Variants in SCFD2 observed in about 807,000 individuals in gnomAD.
The protein encoded by SCFD2 is sec1 family domain-containing protein 2.
In SCFD2, 54 loss-of-function variants were observed where a neutral mutation model predicts 58.9. That is an observed-to-expected ratio of 0.92 (90% confidence interval 0.74 to 1.15). The LOEUF is 1.15. Among genes scored for constraint, SCFD2 ranks in the 50% most tolerant of loss-of-function variants. SCFD2 has a pLI of 0.00. For synonymous variants in SCFD2, 321 were observed against 335.9 expected (o/e 0.96, Z 0.49); for missense variants, 805 against 836.6 (o/e 0.96, Z 0.47).
intron 5 of SCFD2, among the ~76,000 whole-genome samples, chr4:53,129,940 A>G (rs1305575213): frequency 2.0e-5 from 3 of 152,150 alleles, no homozygotes; most frequent in Admixed American, 2.0e-4. Flanking sequence ...TACATATTAA[A>G]ATACTAACAG....
chr4:53,134,616 T>C (rs1396454056), intron 5 of SCFD2, among the ~76,000 whole-genome samples: 1 of 152,352 alleles, frequency 6.6e-6, no homozygotes, highest in South Asian at 2.1e-4. Flanking sequence ...AACAGGAATC[T>C]CTATACCATT....
At chr4:52,970,723 A>C (rs770663089) in intron 5 of SCFD2, among the ~76,000 whole-genome samples, 4 of 152,216 alleles carry the variant, frequency 2.6e-5, no homozygotes, top group Non-Finnish European at 5.9e-5. Flanking sequence ...TGCCTCCTTA[A>C]GTGGGTCCCT....
intron 4 of SCFD2, among the ~76,000 whole-genome samples, chr4:53,148,729 G>C (rs1401689805): frequency 6.6e-6 from 1 of 152,174 alleles, no homozygotes; most frequent in Non-Finnish European, 1.5e-5. Context: ...CTCAAAAAAG[G>C]CCAGGTGTGG....
chr4:52,926,744 G>A (rs747688904), intron 5 of SCFD2, among the ~76,000 whole-genome samples: 1 of 152,112 alleles, frequency 6.6e-6, no homozygotes, highest in Non-Finnish European at 1.5e-5. Context: ...AAGCCCCAAC[G>A]CAGCAGGGGC....
At chr4:53,301,714 T>C (rs989768970) in intron 3 of SCFD2, among the ~76,000 whole-genome samples, 7 of 152,066 alleles carry the variant, frequency 4.6e-5, no homozygotes, top group African/African-American at 1.7e-4. Flanking sequence ...AAAATACTGG[T>C]AAACTGAATC....
At chr4:53,128,316 T>G (rs1725693102) in intron 5 of SCFD2, among the ~76,000 whole-genome samples, 1 of 152,202 alleles carries the variant, frequency 6.6e-6, no homozygotes, top group Non-Finnish European at 1.5e-5. Context: ...GTGTAACAGC[T>G]TCAACACTTC....
intron 4 of SCFD2, among the ~76,000 whole-genome samples, chr4:53,155,912 T>C (rs1011991890): frequency 3.9e-5 from 6 of 152,252 alleles, no homozygotes; most frequent in African/African-American, 9.6e-5. Flanking sequence ...TTTACCTTTT[T>C]CACTGTATTG....
chr4:53,223,760 C>T (rs1560395106), intron 4 of SCFD2, among the ~76,000 whole-genome samples: 1 of 152,172 alleles, frequency 6.6e-6, no homozygotes, highest in Non-Finnish European at 1.5e-5. Context: ...AAAGACAATA[C>T]TGATGGCAGT....
intron 4 of SCFD2, among the ~76,000 whole-genome samples, chr4:53,266,676 C>T (rs74593929): frequency 0.016 from 2,447 of 152,258 alleles, 72 homozygotes; most frequent in African/African-American, 0.056. Context: ...AACATATCCA[C>T]GATCCGTTTA....
At chr4:53,064,131 C>T (rs1723590460) in intron 5 of SCFD2, among the ~76,000 whole-genome samples, 1 of 151,866 alleles carries the variant, frequency 6.6e-6, no homozygotes, top group African/African-American at 2.4e-5. Context: ...TTTATTTCAA[C>T]TTTTATTTTA....
intron 5 of SCFD2, among the ~76,000 whole-genome samples, chr4:53,005,264 A>T (rs1349523399): frequency 6.6e-6 from 1 of 152,178 alleles, no homozygotes; most frequent in East Asian, 1.9e-4. Context: ...AAGGTAATAG[A>T]TGTTGGAGAG....
chr4:53,270,107 C>T (rs1050519826), intron 4 of SCFD2, among the ~76,000 whole-genome samples: 3 of 151,938 alleles, frequency 2.0e-5, no homozygotes, highest in Non-Finnish European at 4.4e-5. Context: ...CTATATCCAG[C>T]GATTTGTATG....
At chr4:53,112,909 C>T (rs1275184443) in intron 5 of SCFD2, among the ~76,000 whole-genome samples, 5 of 152,024 alleles carry the variant, frequency 3.3e-5, no homozygotes, top group Non-Finnish European at 7.4e-5. Flanking sequence ...CTATTCCCAC[C>T]ATCATCTATT....
chr4:53,289,546 C>A (rs1731773200), intron 3 of SCFD2, among the ~76,000 whole-genome samples: 1 of 151,734 alleles, frequency 6.6e-6, no homozygotes, highest in Non-Finnish European at 1.5e-5. Flanking sequence ...CAGAAGCAAA[C>A]AATAAGAGAA....
intron 5 of SCFD2, among the ~76,000 whole-genome samples, chr4:52,965,014 A>AACACAC (rs146576584): frequency 5.5e-5 from 8 of 144,950 alleles, no homozygotes; most frequent in South Asian, 2.2e-4. Flanking sequence ...ACAAAACACA[A>AACACAC]ACACACACAC....
rs375507478 is a variant in SCFD2 at position 53,289,729 on chromosome 4, CA to C, written c.1136-15729del. The stretch of plus-strand genomic sequence containing the variant: ...ACAAGATCAAACTCTATGCTGCCCA[CA>C]AAAGACCCATTTTAGCTTTAAGGAC... On this transcript the variant is annotated intron_variant, in intron 3 of 8. Coordinates refer to ENST00000401642, the MANE Select transcript of SCFD2 (RefSeq NM_152540.4). 2.0e-4 allele frequency among the ~76,000 whole-genome samples: 31 copies of C among 152,152 alleles called. No homozygotes were observed. The East Asian group carries it at 5.4e-3, about 27-fold the overall frequency.
chr4:52,992,642 C>A (rs565854439), intron 5 of SCFD2, among the ~76,000 whole-genome samples: 4 of 151,992 alleles, frequency 2.6e-5, no homozygotes, highest in African/African-American at 9.7e-5. Context: ...CCCCGCCACC[C>A]CTTCTGGGAT....
At chr4:52,959,897 AAC>A (rs10529140) in intron 5 of SCFD2, among the ~76,000 whole-genome samples, 120 of 137,968 alleles carry the variant, frequency 8.7e-4, no homozygotes, top group East Asian at 1.1e-3. Context: ...TCCAAATTGA[AAC>A]ACACACACAC....
intron 5 of SCFD2, among the ~76,000 whole-genome samples, chr4:53,026,346 G>T (rs1420455328): frequency 6.6e-6 from 1 of 152,202 alleles, no homozygotes; most frequent in Non-Finnish European, 1.5e-5. Flanking sequence ...ACCAGGGCAG[G>T]AGTTATCACT....
Sources: gnomAD v4.1 joint callset for allele counts (sites outside exome capture counted in the v4.1 genomes callset) on GRCh38, gnomAD v4.1.1 for gene constraint, MANE v1.5 for transcripts, NCBI Gene and HGNC (gene_info 2026-07-23, HGNC 2026-07-21) for gene names.